Variants in DCDC2 observed in about 807,000 individuals in gnomAD.
DCDC2 encodes the protein doublecortin domain-containing protein 2.
A neutral mutation model predicts 50.2 loss-of-function variants in DCDC2; 40 were observed. The ratio of observed to expected loss-of-function variants is 0.80; its 90% CI spans 0.62 to 1.04. The LOEUF is 1.04. DCDC2 is among the 50% of genes least tolerant of loss of function. The pLI is 0.00. For synonymous variants in DCDC2, 234 were observed against 210.6 expected (o/e 1.11, Z -0.96); for missense variants, 570 against 581.9 (o/e 0.98, Z 0.21).
rs566777919 is a variant in DCDC2 at position 24,356,426 on chromosome 6, C to A, written c.293+1032G>T. On this transcript the variant is annotated intron_variant, in intron 1 of 9. Coordinates refer to ENST00000378454, the MANE Select transcript of DCDC2 (RefSeq NM_016356.5). Reference sequence around the variant, plus strand: ...AGGGGACAGAGGAAACTGGGAGGTACAAATGTTTTGGCGGGAGGGGTGGAA... The same window carrying A: ...AGGGGACAGAGGAAACTGGGAGGTAAAAATGTTTTGGCGGGAGGGGTGGAA... Among the ~76,000 whole-genome samples, 83 of 152,034 alleles carry A rather than the reference C, an allele frequency of 5.5e-4. No individual in the cohort carries two copies. The South Asian group carries it at 0.016, about 29-fold the overall frequency.
chr6:24,332,904 A>G (rs1221562727), intron 2 of DCDC2, among the ~76,000 whole-genome samples: 1 of 152,188 alleles, frequency 6.6e-6, no homozygotes, highest in African/African-American at 2.4e-5. Context: ...GGAGTTTACA[A>G]TCTAGGAGGA....
At position 24,225,357 on chromosome 6, in the gene DCDC2, C is replaced by T. The variant is rs549971084; in HGVS notation, c.923-20255G>A. Among the ~76,000 whole-genome samples, 9 of 152,268 alleles carry T rather than the reference C, an allele frequency of 5.9e-5. No homozygotes were observed. In the East Asian group the frequency reaches 1.4e-3, roughly 23 times the overall value. ...CAATCCATCTAGGAGAAGCAGTAGA[C>T]ACAAATAAACACATCTTCTCCTGAC... is the stretch of plus-strand genomic sequence containing the variant. On this transcript the variant is annotated intron_variant, in intron 7 of 9. Transcript: ENST00000378454.
At chr6:24,258,850 A>C (rs1248614766) in intron 7 of DCDC2, among the ~76,000 whole-genome samples, 6 of 152,178 alleles carry the variant, frequency 3.9e-5, no homozygotes, top group Non-Finnish European at 7.4e-5. Context: ...AATCAATAGG[A>C]GCTAAGCAAG....
chr6:24,351,881 G>T (rs576576607), intron 2 of DCDC2, among the ~76,000 whole-genome samples: 1 of 152,118 alleles, frequency 6.6e-6, no homozygotes, highest in Admixed American at 6.5e-5. Context: ...CAAGGCGGGC[G>T]GATCATGAGG....
intron 7 of DCDC2, among the ~76,000 whole-genome samples, chr6:24,213,598 T>G (rs1212184229): frequency 6.6e-6 from 1 of 152,198 alleles, no homozygotes; most frequent in East Asian, 1.9e-4. Context: ...TGAACTACAT[T>G]CACATGTGAA....
intron 6 of DCDC2, among the ~76,000 whole-genome samples, chr6:24,282,923 T>C (rs1050502202): frequency 6.6e-6 from 1 of 152,204 alleles, no homozygotes; most frequent in Non-Finnish European, 1.5e-5. Context: ...TTCATCTTAA[T>C]ATGTGTATAA....
chr6:24,201,072 C>A (rs373556351), intron 8 of DCDC2, among the ~76,000 whole-genome samples: 1 of 152,000 alleles, frequency 6.6e-6, no homozygotes, highest in East Asian at 1.9e-4. Context: ...TTTAACACCC[C>A]GCTATCAATA....
At chr6:24,349,181 A>G (rs954429737) in intron 2 of DCDC2, among the ~76,000 whole-genome samples, 5 of 152,234 alleles carry the variant, frequency 3.3e-5, no homozygotes, top group Admixed American at 2.6e-4. Flanking sequence ...AGGGTCCACA[A>G]ATGGCTTTGC....
At chr6:24,264,584 T>C (rs1763078205) in intron 7 of DCDC2, among the ~76,000 whole-genome samples, 1 of 151,978 alleles carries the variant, frequency 6.6e-6, no homozygotes, top group Non-Finnish European at 1.5e-5. Context: ...AAGATAGTAT[T>C]TGCAAGCCTC....
At chr6:24,223,592 T>C (rs921406278) in intron 7 of DCDC2, among the ~76,000 whole-genome samples, 63 of 152,240 alleles carry the variant, frequency 4.1e-4, no homozygotes, top group African/African-American at 7.2e-5. Context: ...GCATAAATGA[T>C]AGATAATCCC....
chr6:24,306,237 G>A (rs546538860), intron 2 of DCDC2, among the ~76,000 whole-genome samples: 2 of 152,160 alleles, frequency 1.3e-5, no homozygotes, highest in East Asian at 3.9e-4. Flanking sequence ...CAAATGGTAA[G>A]TTATCATTGC....
At chr6:24,258,987 A>T (rs1241376972) in intron 7 of DCDC2, among the ~76,000 whole-genome samples, 1 of 152,184 alleles carries the variant, frequency 6.6e-6, no homozygotes, top group Non-Finnish European at 1.5e-5. Context: ...TGGTTTGCAA[A>T]CTGTTCACAG....
chr6:24,221,624 A>G (rs1281432072), intron 7 of DCDC2, among the ~76,000 whole-genome samples: 1 of 152,232 alleles, frequency 6.6e-6, no homozygotes, highest in East Asian at 1.9e-4. Context: ...ATATGGAGCT[A>G]GGACAGGGAA....
intron 7 of DCDC2, among the ~76,000 whole-genome samples, chr6:24,267,086 T>A (rs751436934): frequency 6.6e-5 from 10 of 152,296 alleles, no homozygotes; most frequent in Non-Finnish European, 1.2e-4. Flanking sequence ...CTCATTCATT[T>A]GTGGAAGCTA....
At chr6:24,371,605 GA>G in the DCDC2 span, among the ~76,000 whole-genome samples, 3 of 150,824 alleles carry the variant, frequency 2.0e-5, no homozygotes, top group Non-Finnish European at 4.4e-5. Flanking sequence ...GACCTCATCT[GA>G]AAAAAAAATT....
At chr6:24,366,049 C>T in the DCDC2 span, among the ~76,000 whole-genome samples, 82,821 of 151,880 alleles carry the variant, frequency 0.55, 24,406 homozygotes, top group East Asian at 0.8. Context: ...AACTCCTGAC[C>T]TCAGGTGATC....
At chr6:24,371,625 G>A in the DCDC2 span, among the ~76,000 whole-genome samples, 1 of 152,012 alleles carries the variant, frequency 6.6e-6, no homozygotes, top group South Asian at 2.1e-4. Context: ...TTGACAAATG[G>A]GATCTAATTA....
At chr6:24,359,916 T>A (rs550213754), upstream of DCDC2, among the ~76,000 whole-genome samples, 2 of 152,216 alleles carry the variant, frequency 1.3e-5, no homozygotes, top group South Asian at 4.1e-4. Flanking sequence ...AGCGGGGCCC[T>A]GGTTGGGGAG....
intron 7 of DCDC2, among the ~76,000 whole-genome samples, chr6:24,276,108 G>C (rs568437760): frequency 6.6e-6 from 1 of 151,688 alleles, no homozygotes; most frequent in African/African-American, 2.4e-5. Flanking sequence ...CAAGCAATCC[G>C]ACTACCCACC....
Sources: gnomAD v4.1 joint callset for allele counts (sites outside exome capture counted in the v4.1 genomes callset) on GRCh38, gnomAD v4.1.1 for gene constraint, MANE v1.5 for transcripts, NCBI Gene and HGNC (gene_info 2026-07-23, HGNC 2026-07-21) for gene names.